Variants in LRMDA observed in about 807,000 individuals in gnomAD.
The protein encoded by LRMDA is leucine-rich melanocyte differentiation-associated protein.
A neutral mutation model predicts 29.8 loss-of-function variants in LRMDA; 18 were observed. The observed-to-expected ratio is 0.60, with a 90% CI of 0.42 to 0.90. The LOEUF (loss-of-function observed/expected upper bound fraction) is 0.90, where lower values mean the gene tolerates loss of function less well. Among genes scored for constraint, LRMDA ranks in the 40% least tolerant of loss-of-function variants. LRMDA has a pLI of 0.00. For missense variants in LRMDA, 273 were observed against 273.9 expected, an observed-to-expected ratio of 1.00 and a Z score of 0.02; for synonymous variants, 125 against 109.4, an observed-to-expected ratio of 1.14 and a Z score of -0.89.
intron 2 of LRMDA, chr10:75,552,358 T>C (rs1168681211): frequency 1.2e-5 from 2 of 172,514 alleles, no homozygotes; most frequent in Non-Finnish European, 2.6e-5. Context: ...CCATTTTCTT[T>C]TGCATTGCAT....
At chr10:75,960,588 A>T (rs1846746814) in intron 2 of LRMDA, among the ~76,000 whole-genome samples, 1 of 152,134 alleles carries the variant, frequency 6.6e-6, no homozygotes, top group South Asian at 2.1e-4. Context: ...TTAATCCTTT[A>T]ATCCTTTTTT....
intron 6 of LRMDA, among the ~76,000 whole-genome samples, chr10:76,351,897 AG>A (rs1297304670): frequency 6.6e-6 from 1 of 152,098 alleles, no homozygotes; most frequent in Non-Finnish European, 1.5e-5. Flanking sequence ...CAACAGTAAA[AG>A]GTGGGTGCCA....
chr10:76,431,209 G>A (rs767997491), intron 6 of LRMDA, among the ~76,000 whole-genome samples: 1 of 152,202 alleles, frequency 6.6e-6, no homozygotes, highest in African/African-American at 2.4e-5. Context: ...TAGAGAACAA[G>A]CAAGATAATA....
intron 2 of LRMDA, among the ~76,000 whole-genome samples, chr10:75,959,701 CACCT>C (rs1846729149): frequency 6.6e-6 from 1 of 152,172 alleles, no homozygotes; most frequent in Non-Finnish European, 1.5e-5. Context: ...TATATGCACA[CACCT>C]ACATATATAT....
chr10:76,243,757 G>A (rs1852322480), intron 5 of LRMDA, among the ~76,000 whole-genome samples: 1 of 152,184 alleles, frequency 6.6e-6, no homozygotes, highest in Non-Finnish European at 1.5e-5. Flanking sequence ...AAAATGAGCT[G>A]TGGAGTAAGA....
chr10:76,349,870 C>T (rs1489538340), intron 6 of LRMDA, among the ~76,000 whole-genome samples: 6 of 151,982 alleles, frequency 3.9e-5, no homozygotes, highest in Non-Finnish European at 8.8e-5. Context: ...ACAGGAAAAA[C>T]TATTATACAT....
At chr10:76,426,431 C>G (rs1211326876) in intron 6 of LRMDA, among the ~76,000 whole-genome samples, 1 of 152,114 alleles carries the variant, frequency 6.6e-6, no homozygotes, top group Non-Finnish European at 1.5e-5. Context: ...TATCCTTCAC[C>G]CACTTTTTGA....
intron 5 of LRMDA, among the ~76,000 whole-genome samples, chr10:76,195,931 T>C (rs1851324163): frequency 6.6e-6 from 1 of 152,242 alleles, no homozygotes; most frequent in East Asian, 1.9e-4. Flanking sequence ...ACATTTACTT[T>C]GGTCTCCTTG....
chr10:76,211,255 A>C (rs1851628595), intron 5 of LRMDA, among the ~76,000 whole-genome samples: 1 of 152,184 alleles, frequency 6.6e-6, no homozygotes, highest in Non-Finnish European at 1.5e-5. Context: ...CCTGGACTGC[A>C]CTTGTCATTG....
chr10:75,772,151 A>G (rs147458738), intron 2 of LRMDA, among the ~76,000 whole-genome samples: 45 of 152,368 alleles, frequency 3.0e-4, no homozygotes, highest in African/African-American at 7.2e-4. Flanking sequence ...ATTTTTCTCC[A>G]TAAGTGTTAA....
chr10:75,786,516 G>C (rs7919428), intron 2 of LRMDA, among the ~76,000 whole-genome samples: 5,415 of 151,956 alleles, frequency 0.036, 263 homozygotes, highest in African/African-American at 0.11. Context: ...AAATATGTTG[G>C]TTTAGTACCA....
At chr10:76,154,675 G>A (rs947265115) in intron 5 of LRMDA, among the ~76,000 whole-genome samples, 1 of 152,176 alleles carries the variant, frequency 6.6e-6, no homozygotes, top group East Asian at 1.9e-4. Context: ...CTGCATTACA[G>A]TTCCTGGCAC....
intron 2 of LRMDA, among the ~76,000 whole-genome samples, chr10:75,972,578 TA>T (rs1480467225): frequency 6.6e-6 from 1 of 152,180 alleles, no homozygotes; most frequent in Non-Finnish European, 1.5e-5. Flanking sequence ...TTTCTCTCTT[TA>T]AGAAAAGAGT....
intron 6 of LRMDA, among the ~76,000 whole-genome samples, chr10:76,520,054 G>A (rs899437898): frequency 1.3e-5 from 2 of 152,078 alleles, no homozygotes; most frequent in African/African-American, 4.8e-5. Flanking sequence ...AGATTGGAGA[G>A]TCTCTAATCG....
At chr10:76,203,301 T>A (rs1851467109) in intron 5 of LRMDA, among the ~76,000 whole-genome samples, 1 of 151,978 alleles carries the variant, frequency 6.6e-6, no homozygotes, top group African/African-American at 2.4e-5. Context: ...TCAAAGGGTT[T>A]AAAAAAAATG....
chr10:76,438,708 T>C (rs1187642195), intron 6 of LRMDA: 1 of 152,240 alleles, frequency 6.6e-6, no homozygotes, highest in African/African-American at 2.4e-5. Flanking sequence ...TACATCTAAA[T>C]GTGGACATAA....
At chr10:76,231,214 G>A (rs919249542) in intron 5 of LRMDA, among the ~76,000 whole-genome samples, 1 of 152,294 alleles carries the variant, frequency 6.6e-6, no homozygotes, top group East Asian at 1.9e-4. Context: ...GAGGGTGCTG[G>A]TTTTTATATT....
chr10:76,193,505 G>C (rs1158703812), intron 5 of LRMDA, among the ~76,000 whole-genome samples: 1 of 152,076 alleles, frequency 6.6e-6, no homozygotes, highest in African/African-American at 2.4e-5. Flanking sequence ...GGATCCTTAG[G>C]CTCTTTTAGA....
intron 2 of LRMDA, among the ~76,000 whole-genome samples, chr10:75,942,226 T>C (rs1747604155): frequency 6.6e-6 from 1 of 152,122 alleles, no homozygotes; most frequent in African/African-American, 2.4e-5. Flanking sequence ...TGTGTTTGCA[T>C]TTTTATGACC....
Sources: allele counts gnomAD v4.1 joint callset (sites outside exome capture counted in the v4.1 genomes callset), GRCh38; gene constraint gnomAD v4.1.1; transcripts MANE v1.5; gene names NCBI Gene and HGNC (gene_info 2026-07-23, HGNC 2026-07-21).